The following SETD5 variants were observed in gnomAD, a reference collection of about 807,000 sequenced individuals.
SETD5 encodes the protein SET domain containing 5.
Under a neutral mutation model 153.3 loss-of-function variants are expected in SETD5, and 44 were observed. That is an observed-to-expected ratio of 0.29 (90% CI 0.23 to 0.37). The LOEUF (loss-of-function observed/expected upper bound fraction) is 0.37. Ranked by LOEUF, SETD5 falls within the 10% of genes least tolerant of loss-of-function variation. The pLI is 1.00. For missense variants in SETD5, 1,544 were observed against 1,768.0 expected (o/e 0.87, Z 2.27); for synonymous variants, 716 against 645.2 (o/e 1.11, Z -1.66).
intron 3 of SETD5, chr3:9,430,362 T>C (rs955722460): frequency 3.1e-6 from 3 of 980,012 alleles, no homozygotes; most frequent in African/African-American, 3.5e-5. Context: ...TATTCCCATA[T>C]AAAAAGGAGA....
intron 7 of SETD5, among the ~76,000 whole-genome samples, chr3:9,439,754 T>C (rs947333514): frequency 6.6e-6 from 1 of 152,206 alleles, no homozygotes; most frequent in Non-Finnish European, 1.5e-5. Context: ...CCTAGACATT[T>C]TCTATATTCT....
At chr3:9,423,959 T>G (rs1057040208) in intron 1 of SETD5, among the ~76,000 whole-genome samples, 1 of 152,196 alleles carries the variant, frequency 6.6e-6, no homozygotes, top group African/African-American at 2.4e-5. Flanking sequence ...ATCACTCTTT[T>G]TTATAGTAGG....
chr3:9,471,039 G>A, intron 19 of SETD5, 110 bp downstream of exon 19: 2 of 631,022 alleles, frequency 3.2e-6, no homozygotes, highest in Non-Finnish European at 2.7e-6. Flanking sequence ...AGACAAGTGA[G>A]ACATAGTCTC....
rs1198260224 is a variant in SETD5 at position 9,434,104 on chromosome 3, A to G, written c.177+154A>G. On this transcript the variant is annotated intron_variant, in intron 4 of 22. Coordinates refer to ENST00000402198, the MANE Select transcript of SETD5 (RefSeq NM_001080517.3). The surrounding 1 kb of genome is among the most constrained non-coding windows in gnomAD (Gnocchi z 5.6). ...TCCAGCGGACGTCTAGCCCTGCATC[A>G]TTGTTCTTGTTTTTATGTCCCAGTT... 1 of 1,559,380 alleles carries G rather than the reference A, an allele frequency of 6.4e-7. No homozygotes were observed. The highest frequency in any genetic ancestry group is 8.7e-7 in the Non-Finnish European group (1 of 1,154,404).
intron 17 of SETD5, among the ~76,000 whole-genome samples, chr3:9,460,263 TAAA>T (rs373419555): frequency 4.9e-5 from 7 of 143,854 alleles, no homozygotes; most frequent in African/African-American, 1.8e-4. Flanking sequence ...TTCATAGTAG[TAAA>T]AAAAAAAAAC....
At chr3:9,437,522 CGT>C (rs6147703) in intron 7 of SETD5, among the ~76,000 whole-genome samples, 150 of 144,956 alleles carry the variant, frequency 1.0e-3, no homozygotes, top group Middle Eastern at 3.4e-3. Context: ...TCCTCCTTTA[CGT>C]GTGTGTGTGT....
rs564725076 is a variant in SETD5, at chr3:9,473,157, T to A, written c.3196-79T>A. On this transcript the variant is annotated intron_variant, in intron 19 of 22. Coordinates refer to ENST00000402198, the MANE Select transcript of SETD5 (RefSeq NM_001080517.3). ...GGTTTACTAAGGTACCATCTTTCCT[T>A]CTTTCCCTGTTGCTGGTGATCCACT... 6.3e-5 allele frequency: 93 copies of A among 1,481,876 alleles called. 1 individual carries two copies. The East Asian group carries it at 1.6e-3, about 26-fold the overall frequency. The allele number at this position is 1,481,876 out of a possible 1,614,324, so 91.8% of individuals were successfully genotyped here.
At chr3:9,429,404 TC>T (rs1187683634) in intron 3 of SETD5, 1 of 172,170 alleles carries the variant, frequency 5.8e-6, no homozygotes, top group Non-Finnish European at 1.3e-5. Flanking sequence ...CCTATGTACT[TC>T]CCATTGTTCT....
At chr3:9,429,032 T>G in intron 3 of SETD5, 23 bp downstream of exon 3, 7 of 1,565,792 alleles carry the variant, frequency 4.5e-6, no homozygotes, top group Non-Finnish European at 6.1e-6. Context: ...TTCTAGGTAG[T>G]AGGTACATTA....
At chr3:9,413,514 G>C (rs1004584968) in intron 1 of SETD5, among the ~76,000 whole-genome samples, 1 of 151,938 alleles carries the variant, frequency 6.6e-6, no homozygotes, top group Non-Finnish European at 1.5e-5. Flanking sequence ...TTTTTCTCTA[G>C]GATTCTTTGC....
chr3:9,475,208 A>C, intron 22 of SETD5, 52 bp downstream of exon 22: 4 of 1,503,242 alleles, frequency 2.7e-6, no homozygotes, highest in Non-Finnish European at 3.6e-6. Context: ...TCTGGGTCCC[A>C]AATTGTCCTG....
In SETD5 at chr3:9,447,314, G is replaced by C. The variant is rs1235684582; in HGVS notation, c.1782+7G>C. 4 of 1,606,824 alleles carry C rather than the reference G, an allele frequency of 2.5e-6. No individual in the cohort carries two copies. In the South Asian group the frequency reaches 3.3e-5, roughly 13 times the overall value. ...GAGGTCTTCCCAAGCAGGGGTAAGA[G>C]TTGAAAAGACTTCAGCACTTAGACA... On this transcript the variant is annotated splice_region_variant and intron_variant, in intron 14 of 22. Coordinates refer to ENST00000402198, the MANE Select transcript of SETD5 (RefSeq NM_001080517.3).
Position 9,441,592 on chromosome 3 carries a change from G to A in SETD5, c.811-1G>A. On this transcript the variant is annotated splice_acceptor_variant, in intron 8 of 22. Transcript: ENST00000402198. LOFTEE classifies it high-confidence loss of function. Reference sequence around the variant, plus strand: ...AATGTTATTGCTCTGGTTTTATTCAGTTACAGCTGGGAAGAGTCACTCGTG... The same window carrying A: ...AATGTTATTGCTCTGGTTTTATTCAATTACAGCTGGGAAGAGTCACTCGTG... 3 of 1,613,768 alleles carry A rather than the reference G, an allele frequency of 1.9e-6. No individual in the cohort carries two copies. The highest frequency in any genetic ancestry group is 2.5e-6 in the Non-Finnish European group (3 of 1,179,742).
At chr3:9,433,695 A>G in intron 3 of SETD5, 150 bp from the exon 4 acceptor site, 1 of 902,728 alleles carries the variant, frequency 1.1e-6, no homozygotes, top group South Asian at 1.6e-5. Flanking sequence ...AGGCTTAGTT[A>G]TGTTAATAAG....
At chr3:9,419,688 T>C (rs969276181) in intron 1 of SETD5, among the ~76,000 whole-genome samples, 2 of 152,240 alleles carry the variant, frequency 1.3e-5, no homozygotes, top group African/African-American at 4.8e-5. Context: ...CTACTGTAGG[T>C]GTGTAGTGAA....
At chr3:9,458,704 G>T (rs568962055) in intron 17 of SETD5, among the ~76,000 whole-genome samples, 1 of 152,174 alleles carries the variant, frequency 6.6e-6, no homozygotes, top group Non-Finnish European at 1.5e-5. Flanking sequence ...TTGGGGAAAG[G>T]ATTTGCAGTA....
rs76449580 is a variant in SETD5, at chr3:9,443,266, A to T, written c.1078-42A>T. On this transcript the variant is annotated intron_variant, in intron 10 of 22. Transcript: ENST00000402198. ...TTTTTTTCTCTCTTACGGAAAGTTC[A>T]TGGTCTTTATGAAAAATCCAACCAG... 1.7e-3 allele frequency: 2,482 copies of T among 1,425,238 alleles called. 37 individuals carry two copies. The African/African-American group carries it at 0.026, about 15-fold the overall frequency. 88.3% of individuals were successfully genotyped at this position (1,425,238 alleles called of 1,614,324 possible). A position where few individuals can be genotyped will look rare whatever the true frequency, so the allele number is the denominator to read the frequency against.
intron 16 of SETD5, among the ~76,000 whole-genome samples, chr3:9,451,002 T>C (rs931809725): frequency 6.6e-6 from 1 of 152,216 alleles, no homozygotes; most frequent in Admixed American, 6.5e-5. Flanking sequence ...CATTTTGCAT[T>C]TTTTAGTTCC....
At position 9,447,130 on chromosome 3, in the gene SETD5, C is replaced by T. The variant is rs2042113366; in HGVS notation, c.1605C>T (p.Pro535=). 6.2e-7 allele frequency: 1 copy of T among 1,613,994 alleles called. No homozygotes were observed. The highest frequency in any genetic ancestry group is 1.1e-5 in the South Asian group (1 of 91,084). Residue 535 remains proline (P), a synonymous_variant, in exon 14 of 23, where the codon CCC becomes CCT. Coordinates refer to ENST00000402198, the MANE Select transcript of SETD5 (RefSeq NM_001080517.3). ...LEKRKKRRDQ[P]LEQSNSDVEI... ...AAAGAAAGAAGCGGCGGGATCAGCC[C>T]TTGGAACAGAGCAACTCTGATGTAG...
Sources: gnomAD v4.1 joint callset for allele counts (sites outside exome capture counted in the v4.1 genomes callset) on GRCh38, gnomAD v4.1.1 for gene constraint, Gnocchi (gnomAD v3.1) non-coding constraint, MANE v1.5 for transcripts, NCBI Gene and HGNC (gene_info 2026-07-23, HGNC 2026-07-21) for gene names.